Variants in ARHGAP35 observed in about 807,000 individuals in gnomAD.
The protein encoded by ARHGAP35 is rho GTPase-activating protein 35.
In ARHGAP35, 15 loss-of-function variants were observed where a neutral mutation model predicts 111.1. That is an observed-to-expected ratio of 0.13 (90% CI 0.09 to 0.21). The LOEUF (loss-of-function observed/expected upper bound fraction) is 0.21. Among genes scored for constraint, ARHGAP35 ranks in the 10% least tolerant of loss-of-function variants. The pLI is 1.00. For synonymous variants in ARHGAP35, 643 were observed against 710.3 expected (o/e 0.91, Z 1.51); for missense variants, 1,262 against 1,873.0 (o/e 0.67, Z 6.02).
At chr19:46,930,283 C>CA (rs1308009037) in intron 2 of ARHGAP35, among the ~76,000 whole-genome samples, 1 of 151,416 alleles carries the variant, frequency 6.6e-6, no homozygotes, top group Non-Finnish European at 1.5e-5. Context: ...CACCTGAGCC[C>CA]AGGGAGGTCG....
At position 46,994,958 on chromosome 19, in the gene ARHGAP35, T is replaced by C. The variant is rs1360532830; in HGVS notation, c.4037-4346T>C. On this transcript the variant is annotated intron_variant, in intron 5 of 6. Transcript: ENST00000672722. The surrounding 1 kb of genome is among the most constrained non-coding windows in gnomAD (Gnocchi z 5.4). ...CACGTGCTCAGCCCAGCCCTTCTCA[T>C]GCTCACCTGCCTCTGGGTCAGAGTC... Among the ~76,000 whole-genome samples, 1 of 152,166 alleles carries C rather than the reference T, an allele frequency of 6.6e-6. No individual in the cohort carries two copies. The highest frequency in any genetic ancestry group is 1.5e-5 in the Non-Finnish European group (1 of 68,010).
At chr19:46,943,346 G>T (rs1169126727) in intron 3 of ARHGAP35, among the ~76,000 whole-genome samples, 1 of 152,210 alleles carries the variant, frequency 6.6e-6, no homozygotes, top group East Asian at 1.9e-4. Context: ...GCACCCTGCA[G>T]GTGGTGGACG....
At position 47,001,187 on chromosome 19, in the gene ARHGAP35, T is replaced by C; in HGVS notation, c.*499T>C. On this transcript the variant is annotated 3_prime_UTR_variant, in exon 7 of 7. Coordinates refer to ENST00000672722, the MANE Select transcript of ARHGAP35 (RefSeq NM_004491.5). The surrounding 1 kb of genome is among the most constrained non-coding windows in gnomAD (Gnocchi z 5.4). ...TAAGGGTACAGCCCGGCTGGCGGCC[T>C]CCTTGGGAACGTGTAGGCCACGGCT... 2 of 1,248,050 alleles carry C rather than the reference T, an allele frequency of 1.6e-6. No individual in the cohort carries two copies. Among genetic ancestry groups the C allele is most frequent in the Middle Eastern group, 3.5e-4 (1 of 2,888 alleles). 77.3% of individuals were successfully genotyped at this position (1,248,050 alleles called of 1,614,324 possible).
chr19:46,990,935 C>T (rs996518571), intron 5 of ARHGAP35, among the ~76,000 whole-genome samples: 2 of 152,210 alleles, frequency 1.3e-5, no homozygotes, highest in Non-Finnish European at 2.9e-5. Flanking sequence ...TCTGTCCACA[C>T]TCTCTTAGCT....
chr19:46,970,986 ACAGT>A (rs1312397960), intron 3 of ARHGAP35, among the ~76,000 whole-genome samples: 2 of 152,160 alleles, frequency 1.3e-5, no homozygotes, highest in African/African-American at 2.4e-5. Context: ...TCCAAAACAG[ACAGT>A]CATTGTCACG....
chr19:46,888,837 CAAAAA>C (rs769595005), intron 1 of ARHGAP35, among the ~76,000 whole-genome samples: 17 of 57,368 alleles, frequency 3.0e-4, no homozygotes, highest in Admixed American at 2.6e-3. Flanking sequence ...ACTAAAAATA[CAAAAA>C]AAAAAAAAAA....
intron 3 of ARHGAP35, among the ~76,000 whole-genome samples, chr19:46,963,938 GCTCACTGCAATGT>G (rs1259519985): frequency 6.6e-6 from 1 of 151,702 alleles, no homozygotes; most frequent in African/African-American, 2.4e-5. Context: ...CGCAATCTCG[GCTCACTGCAATGT>G]CCGCCTCCCA....
rs150779870 is a variant in ARHGAP35 at position 46,908,244 on chromosome 19, T to C, written c.-188-10244T>C. 1.2e-3 allele frequency among the ~76,000 whole-genome samples: 185 copies of C among 152,348 alleles called. No homozygotes were observed. The highest frequency in any genetic ancestry group is 4.2e-3 in the African/African-American group (175 of 41,576). ...AGAAGCAACTGCTGGAATAATTTTA[T>C]AGGTTTTACTTACCCTTTTGAAAAT... is the stretch of plus-strand genomic sequence containing the variant. On this transcript the variant is annotated intron_variant, in intron 1 of 6. Coordinates refer to ENST00000672722, the MANE Select transcript of ARHGAP35 (RefSeq NM_004491.5). The surrounding 1 kb of genome is among the most constrained non-coding windows in gnomAD (Gnocchi z 4.2).
rs575303812 is a variant in ARHGAP35 at position 46,917,623 on chromosome 19, A to C, written c.-188-865A>C. Among the ~76,000 whole-genome samples the C allele has an allele frequency of 3.9e-5, 6 of 152,228 alleles. No homozygotes were observed. In the East Asian group the frequency reaches 1.2e-3, roughly 29 times the overall value. Reference sequence around the variant, plus strand: ...ACTCTGTCTCAAAAAATAAAATAAAAATAAAGGTTGAATAATATTATATTG... The same window carrying C: ...ACTCTGTCTCAAAAAATAAAATAAACATAAAGGTTGAATAATATTATATTG... On this transcript the variant is annotated intron_variant, in intron 1 of 6. Coordinates refer to ENST00000672722, the MANE Select transcript of ARHGAP35 (RefSeq NM_004491.5).
chr19:46,907,735 C>T (rs1047029115), intron 1 of ARHGAP35, among the ~76,000 whole-genome samples: 1 of 152,148 alleles, frequency 6.6e-6, no homozygotes, highest in Non-Finnish European at 1.5e-5. Context: ...CCTCTGCCTC[C>T]CAAAGTGCTG....
chr19:46,889,773 AG>A (rs2056015297), intron 1 of ARHGAP35, among the ~76,000 whole-genome samples: 1 of 136,552 alleles, frequency 7.3e-6, no homozygotes, highest in Non-Finnish European at 1.6e-5. Flanking sequence ...AAAAAAAAAG[AG>A]TAGAGGCCAT....
chr19:46,942,563 C>T (rs1294365099), intron 3 of ARHGAP35, among the ~76,000 whole-genome samples: 3 of 151,968 alleles, frequency 2.0e-5, no homozygotes, highest in Non-Finnish European at 2.9e-5. Context: ...CTTGAACCCA[C>T]GAGGCGGAGG....
Position 46,920,979 on chromosome 19 carries a change from C to G in ARHGAP35, c.2304C>G (p.Val768=), listed in dbSNP as rs1338900245. The G allele has an allele frequency of 1.2e-6, 2 of 1,613,972 alleles. No individual in the cohort carries two copies. Among genetic ancestry groups the G allele is most frequent in the Admixed American group, 3.3e-5 (2 of 60,016 alleles). The change falls in exon 2 of 7, where the codon GTC becomes GTG. Residue 768 remains valine, a synonymous_variant. Coordinates refer to ENST00000672722, the MANE Select transcript of ARHGAP35 (RefSeq NM_004491.5). The surrounding 1 kb of genome is among the most constrained non-coding windows in gnomAD (Gnocchi z 7.0). Reference sequence around the variant, plus strand: ...ACTCTAAGCGTAACTTAAACCTGGTCAGTTCTACTGCTAGCATCAAAGATT... The same window carrying G: ...ACTCTAAGCGTAACTTAAACCTGGTGAGTTCTACTGCTAGCATCAAAGATT... ...LLDSKRNLNL[V]SSTASIKDLA...
intron 3 of ARHGAP35, among the ~76,000 whole-genome samples, chr19:46,981,673 G>GC (rs996134132): frequency 6.6e-6 from 1 of 152,128 alleles, no homozygotes; most frequent in African/African-American, 2.4e-5. Flanking sequence ...TGTCCGTCCT[G>GC]CCACAGACAC....
chr19:46,891,985 A>G (rs1391780290), intron 1 of ARHGAP35, among the ~76,000 whole-genome samples: 1 of 151,662 alleles, frequency 6.6e-6, no homozygotes, highest in Non-Finnish European at 1.5e-5. Flanking sequence ...TACCGAAAAT[A>G]CAAAAATTAG....
At chr19:46,937,777 T>C (rs2056318046) in intron 3 of ARHGAP35, among the ~76,000 whole-genome samples, 1 of 152,222 alleles carries the variant, frequency 6.6e-6, no homozygotes, top group South Asian at 2.1e-4. Context: ...TGTGCTATCA[T>C]TGTGTCCTCA....
At chr19:46,931,472 G>A (rs1274776177) in intron 2 of ARHGAP35, among the ~76,000 whole-genome samples, 2 of 152,110 alleles carry the variant, frequency 1.3e-5, no homozygotes, top group East Asian at 1.9e-4. Flanking sequence ...TGCCACAGTC[G>A]GGAGTTTCCT....
At chr19:46,862,863 G>T (rs1421985119) in intron 1 of ARHGAP35, among the ~76,000 whole-genome samples, 9 of 151,858 alleles carry the variant, frequency 5.9e-5, no homozygotes, top group African/African-American at 2.2e-4. Flanking sequence ...ACCCTCCACT[G>T]TTCTGCCTCT....
chr19:46,883,180 C>T (rs1018346288), intron 1 of ARHGAP35, among the ~76,000 whole-genome samples: 10 of 151,918 alleles, frequency 6.6e-5, no homozygotes, highest in African/African-American at 1.2e-4. Context: ...CTGCAACCTC[C>T]GCCTCCGAGG....
Sources: gnomAD v4.1 joint callset for allele counts (sites outside exome capture counted in the v4.1 genomes callset) on GRCh38, gnomAD v4.1.1 for gene constraint, Gnocchi (gnomAD v3.1) non-coding constraint, MANE v1.5 for transcripts, NCBI Gene and HGNC (gene_info 2026-07-23, HGNC 2026-07-21) for gene names.